Variants in CACNA1G observed in about 807,000 individuals in gnomAD.
CACNA1G encodes the protein voltage-dependent T-type calcium channel subunit alpha-1G.
CACNA1G carries 67 observed loss-of-function variants against 219.4 expected under a neutral mutation model. The ratio of observed to expected loss-of-function variants is 0.31; its 90% CI spans 0.25 to 0.37. CACNA1G has a LOEUF of 0.37. Among genes scored for constraint, CACNA1G ranks in the 10% least tolerant of loss-of-function variants. CACNA1G has a pLI of 1.00. For missense variants in CACNA1G, 2,380 were observed against 3,231.4 expected (o/e 0.74, Z 6.39); for synonymous variants, 1,296 against 1,345.3 (o/e 0.96, Z 0.80).
chr17:50,574,854 G>A (rs1286401520), intron 7 of CACNA1G, among the ~76,000 whole-genome samples: 3 of 152,312 alleles, frequency 2.0e-5, no homozygotes, highest in Non-Finnish European at 4.4e-5. Flanking sequence ...GATGGGGACT[G>A]GGGTAGTGTG....
chr17:50,615,752 G>C (rs1451762511), intron 27 of CACNA1G, among the ~76,000 whole-genome samples: 1 of 152,258 alleles, frequency 6.6e-6, no homozygotes, highest in Non-Finnish European at 1.5e-5. Flanking sequence ...GGAGGACCTG[G>C]TTTCTTCATC....
At chr17:50,577,775 T>G (rs1046097778) in intron 8 of CACNA1G, among the ~76,000 whole-genome samples, 1 of 151,884 alleles carries the variant, frequency 6.6e-6, no homozygotes, top group South Asian at 2.1e-4. Context: ...CTGGTGTGGG[T>G]GTGTGTGCAA....
chr17:50,610,725 T>C (rs1008154228), intron 26 of CACNA1G, among the ~76,000 whole-genome samples: 4 of 152,146 alleles, frequency 2.6e-5, no homozygotes, highest in Non-Finnish European at 5.9e-5. Flanking sequence ...TATCATCTCC[T>C]CCAACAGACT....
In CACNA1G at chr17:50,618,229, C is replaced by T. The variant is rs750685341; in HGVS notation, c.5313C>T (p.Asp1771=). The part of the protein sequence containing the change: ...GVELFGDLEC[D]ETHPCEGLGR... ...CTTTCCCTCCTCCCCCAGAGTGTGA[C>T]GAGACACACCCCTGTGAGGGCCTGG... is the stretch of plus-strand genomic sequence containing the variant. The change falls in exon 32 of 38, where the codon GAC becomes GAT. Residue 1771 remains aspartate (D), a synonymous_variant. Coordinates refer to ENST00000359106, the MANE Select transcript of CACNA1G (RefSeq NM_018896.5). This position sits in a 1 kb window ranked among gnomAD's most constrained non-coding sequence, Gnocchi z 5.3. 18 of 1,613,540 alleles carry T rather than the reference C, an allele frequency of 1.1e-5. No individual in the cohort carries two copies. The highest frequency in any genetic ancestry group is 8.0e-5 in the African/African-American group (6 of 74,870).
intron 13 of CACNA1G, among the ~76,000 whole-genome samples, chr17:50,592,957 A>G (rs1598389862): frequency 6.6e-6 from 1 of 152,316 alleles, no homozygotes; most frequent in South Asian, 2.1e-4. Context: ...ACTCTTTCCC[A>G]GTCTTTCAAG....
chr17:50,621,767 A>G lies in CACNA1G; in HGVS notation c.6033A>G (p.Thr2011=), dbSNP rs1322943020. ...TDDSLPDDMH[T]LLLSALESNM... ...ACTCTTTGCCTGATGACATGCACAC[A>G]CTCTTACTTAGTGCCCTGGAGAGCA... is the stretch of plus-strand genomic sequence containing the variant. The change falls in exon 35 of 38, where the codon ACA becomes ACG. Residue 2011 remains threonine, a synonymous_variant. Transcript: ENST00000359106. The surrounding 1 kb of genome is among the most constrained non-coding windows in gnomAD (Gnocchi z 4.6). The G allele has an allele frequency of 5.0e-6, 8 of 1,613,420 alleles. No homozygotes were observed. In the African/African-American group the frequency reaches 1.1e-4, roughly 22 times the overall value.
rs564174380 is a variant in CACNA1G, at chr17:50,607,077, C to T, written c.4512+88C>T. On this transcript the variant is annotated intron_variant, in intron 24 of 37. Coordinates refer to ENST00000359106, the MANE Select transcript of CACNA1G (RefSeq NM_018896.5). ...GGACAGAAAGAGCAAGGCAGGGTGGCAAAATGCCATGAAAGAAGCATCATA... is the reference window on the plus strand; with the variant it reads ...GGACAGAAAGAGCAAGGCAGGGTGGTAAAATGCCATGAAAGAAGCATCATA... 21 of 1,033,408 alleles carry T rather than the reference C, an allele frequency of 2.0e-5. No individual in the cohort carries two copies. In the African/African-American group the frequency reaches 3.1e-4, roughly 15 times the overall value. The allele number at this position is 1,033,408 out of a possible 1,614,324, so 64.0% of individuals were successfully genotyped here.
intron 25 of CACNA1G, 108 bp downstream of exon 25, chr17:50,608,127 G>A: frequency 2.0e-6 from 2 of 979,002 alleles, no homozygotes; most frequent in Non-Finnish European, 3.0e-6. Context: ...CGGGGGCAGG[G>A]AGAAGAGGCT....
At chr17:50,592,623 A>G (rs146810959) in intron 13 of CACNA1G, among the ~76,000 whole-genome samples, 2 of 152,318 alleles carry the variant, frequency 1.3e-5, no homozygotes, top group African/African-American at 4.8e-5. Context: ...CCCAGGCTCC[A>G]TCACCTTCGT....
In CACNA1G at chr17:50,589,455, T is replaced by C. The variant is rs569832715; in HGVS notation, c.2302-1016T>C. ...TGGTTATTCAGCCGTTTTGTGTGTG[T>C]ACAACGTGTTTCTAGCAGACACTGA... On this transcript the variant is annotated intron_variant, in intron 9 of 37. Coordinates refer to ENST00000359106, the MANE Select transcript of CACNA1G (RefSeq NM_018896.5). Among the ~76,000 whole-genome samples the C allele has an allele frequency of 2.8e-4, 43 of 152,312 alleles. 1 individual carries two copies. In the South Asian group the frequency reaches 8.7e-3, roughly 31 times the overall value.
chr17:50,622,166 T>TCCCCCCTCCTCCCCCCCCCCCCCCCCCC (rs1598808735), intron 35 of CACNA1G, among the ~76,000 whole-genome samples: 1 of 132,920 alleles, frequency 7.5e-6, no homozygotes, highest in Non-Finnish European at 1.6e-5. Context: ...CTGTGCCTGT[T>TCCCCCCTCCTCCCCCCCCCCCCCCCCCC]CCCCTCCTCC....
rs2047162556 is a variant in CACNA1G, at chr17:50,603,308, C to G, written c.4169+109C>G. The G allele has an allele frequency of 2.1e-6, 2 of 936,078 alleles. No homozygotes were observed. The highest frequency in any genetic ancestry group is 3.2e-5 in the South Asian group (2 of 62,036). 58.0% of individuals were successfully genotyped at this position (936,078 alleles called of 1,614,324 possible). A position where few individuals can be genotyped will look rare whatever the true frequency, so the allele number is the denominator to read the frequency against. On this transcript the variant is annotated intron_variant, in intron 21 of 37. Transcript: ENST00000359106. This position sits in a 1 kb window ranked among gnomAD's most constrained non-coding sequence, Gnocchi z 6.4. ...CGAAACAAAAGCCTGCACAGGCCAG[C>G]ATCCTGTCTGTGACCCCCACAGGCG...
rs773150151 is a variant in CACNA1G at position 50,618,027 on chromosome 17, A to G, written c.5227-21A>G. On this transcript the variant is annotated intron_variant, in intron 30 of 37. Coordinates refer to ENST00000359106, the MANE Select transcript of CACNA1G (RefSeq NM_018896.5). The surrounding 1 kb of genome is among the most constrained non-coding windows in gnomAD (Gnocchi z 5.3). The stretch of plus-strand genomic sequence containing the variant: ...TGGGAGACCCAGCGGCATCGTTTCT[A>G]TTTCTTCTCCTTTTTTCCAGGTGGG... 4 of 1,612,596 alleles carry G rather than the reference A, an allele frequency of 2.5e-6. No individual in the cohort carries two copies. Among genetic ancestry groups the G allele is most frequent in the African/African-American group, 1.3e-5 (1 of 74,770 alleles).
intron 34 of CACNA1G, 84 bp downstream of exon 34, chr17:50,619,910 G>A: frequency 7.3e-7 from 1 of 1,367,944 alleles, no homozygotes; most frequent in Admixed American, 2.5e-5. Context: ...GAAGCTGGGA[G>A]TGTTCCTGCC....
At position 50,626,792 on chromosome 17, in the gene CACNA1G, C is replaced by T; in HGVS notation, c.*41C>T. The stretch of plus-strand genomic sequence containing the variant: ...CCCACTCACCTTTCTCCACTGGGTG[C>T]CAAGTCCTAGCTCCTCCTCCTGGGC... On this transcript the variant is annotated 3_prime_UTR_variant, in exon 38 of 38. Transcript: ENST00000359106. The surrounding 1 kb of genome is among the most constrained non-coding windows in gnomAD (Gnocchi z 4.3). 1 of 1,612,334 alleles carries T rather than the reference C, an allele frequency of 6.2e-7. No individual in the cohort carries two copies. The highest frequency in any genetic ancestry group is 8.5e-7 in the Non-Finnish European group (1 of 1,179,454).
In CACNA1G at chr17:50,578,644, C is replaced by T; in HGVS notation, c.2301+80C>T. 3 of 1,393,288 alleles carry T rather than the reference C, an allele frequency of 2.2e-6. No individual in the cohort carries two copies. Among genetic ancestry groups the T allele is most frequent in the Non-Finnish European group, 2.9e-6 (3 of 1,038,906 alleles). The allele number at this position is 1,393,288 out of a possible 1,614,324, so 86.3% of individuals were successfully genotyped here. On this transcript the variant is annotated intron_variant, in intron 9 of 37. Transcript: ENST00000359106. This position sits in a 1 kb window ranked among gnomAD's most constrained non-coding sequence, Gnocchi z 4.5. ...GGGCCTTCTACCTCCCTCCGCACCC[C>T]TCCTCCTGAGCTCAGCTTCCTCTCC... is the stretch of plus-strand genomic sequence containing the variant.
rs760920288 is a variant in CACNA1G at position 50,581,819 on chromosome 17, G to A, written c.2301+3255G>A. Among the ~76,000 whole-genome samples the A allele has an allele frequency of 5.8e-4, 89 of 152,246 alleles. 5 individuals are homozygous for A. Among genetic ancestry groups the A allele is most frequent in the African/African-American group, 2.4e-5 (1 of 41,462 alleles). ...CATGTGTGCCCCATCCGCTCAGGGC[G>A]GTACATGGAGTCCAGAACCTTTTTC... On this transcript the variant is annotated intron_variant, in intron 9 of 37. Coordinates refer to ENST00000359106, the MANE Select transcript of CACNA1G (RefSeq NM_018896.5).
chr17:50,626,400 G>C lies in CACNA1G; in HGVS notation c.6783G>C (p.Trp2261Cys). 6.2e-7 allele frequency: 1 copy of C among 1,611,404 alleles called. No homozygotes were observed. Among genetic ancestry groups the C allele is most frequent in the Admixed American group, 1.7e-5 (1 of 59,854 alleles). The change falls in exon 38 of 38, where the codon TGG (tryptophan) becomes TGC (cysteine). Residue 2261 changes from tryptophan (W) to cysteine (C), a missense_variant. This residue lies in a region of CACNA1G where 672 missense variants were observed against 670.5 expected (regional missense o/e 1.00). Coordinates refer to ENST00000359106, the MANE Select transcript of CACNA1G (RefSeq NM_018896.5). The surrounding 1 kb of genome is among the most constrained non-coding windows in gnomAD (Gnocchi z 4.3). ...AQSCQRRPTS[W>C]LDEQRRHSIA... ...GCTGCCAGCGCCGGCCTACGTCCTG[G>C]CTGGATGAGCAGAGGAGACACTCTA... is the stretch of plus-strand genomic sequence containing the variant.
Position 50,619,736 on chromosome 17 carries a change from G to A in CACNA1G, c.5835G>A (p.Trp1945Ter). ...ISLLIQGSLE[W>*]ELKLMDELAG... ...TGCTGATCCAGGGCTCCCTGGAGTG[G>A]GAGCTGAAGCTGATGGACGAGCTGG... The change falls in exon 34 of 38, where the codon TGG (tryptophan) becomes TGA (stop). Residue 1945 changes from tryptophan to a stop codon, truncating the protein, a stop_gained. Coordinates refer to ENST00000359106, the MANE Select transcript of CACNA1G (RefSeq NM_018896.5). LOFTEE classifies it high-confidence loss of function. 6.2e-7 allele frequency: 1 copy of A among 1,610,436 alleles called. No homozygotes were observed. Among genetic ancestry groups the A allele is most frequent in the Non-Finnish European group, 8.5e-7 (1 of 1,179,278 alleles).
Sources: allele counts gnomAD v4.1 joint callset (sites outside exome capture counted in the v4.1 genomes callset), GRCh38; gene constraint gnomAD v4.1.1; regional missense constraint gnomAD v4.1.1; non-coding constraint Gnocchi (gnomAD v3.1); transcripts MANE v1.5; gene names NCBI Gene and HGNC (gene_info 2026-07-23, HGNC 2026-07-21).